FXR1: variants seen among roughly 807,000 people sequenced by gnomAD.
FXR1 encodes the protein RNA-binding protein FXR1.
A neutral mutation model predicts 84.0 loss-of-function variants in FXR1; 15 were observed. That is an observed-to-expected ratio of 0.18 (90% CI 0.12 to 0.27). FXR1 has a LOEUF of 0.27. Ranked by LOEUF, FXR1 falls within the 10% of genes least tolerant of loss-of-function variation. The pLI, the probability that FXR1 is intolerant of heterozygous loss-of-function variation, is 1.00. For missense variants in FXR1, 480 were observed against 774.4 expected, an observed-to-expected ratio of 0.62 and a Z score of 4.51; for synonymous variants, 245 against 250.7, an observed-to-expected ratio of 0.98 and a Z score of 0.21.
chr3:180,945,646 G>A (rs148111524), intron 3 of FXR1, among the ~76,000 whole-genome samples: 2,975 of 152,270 alleles, frequency 0.02, 31 homozygotes, highest in Middle Eastern at 0.034. Context: ...GAGCTCTCAA[G>A]CAGTCGACCT....
intron 3 of FXR1, among the ~76,000 whole-genome samples, chr3:180,938,712 C>T (rs1453740224): frequency 6.6e-6 from 1 of 151,834 alleles, no homozygotes; most frequent in Non-Finnish European, 1.5e-5. Context: ...TCATACCCGG[C>T]TGATTTTGTA....
chr3:180,947,227 T>C (rs1721791136), intron 3 of FXR1, among the ~76,000 whole-genome samples: 1 of 152,168 alleles, frequency 6.6e-6, no homozygotes, highest in African/African-American at 2.4e-5. Context: ...TTTTATATTT[T>C]AGTAGAGACA....
chr3:180,961,466 A>G lies in FXR1; in HGVS notation c.991-2A>G. Reference sequence around the variant, plus strand: ...TGAATACTTTTTTTTTTTTTTAAACAGGGTATGGTTCCATTTGTATTTGTT... The same window carrying G: ...TGAATACTTTTTTTTTTTTTTAAACGGGGTATGGTTCCATTTGTATTTGTT... On this transcript the variant is annotated splice_acceptor_variant, in intron 10 of 16. Coordinates refer to ENST00000357559, the MANE Select transcript of FXR1 (RefSeq NM_005087.4). LOFTEE classifies it high-confidence loss of function. The G allele has an allele frequency of 6.9e-7, 1 of 1,457,248 alleles. No homozygotes were observed. Among genetic ancestry groups the G allele is most frequent in the Non-Finnish European group, 9.5e-7 (1 of 1,052,770 alleles). The allele number at this position is 1,457,248 out of a possible 1,614,324, so 90.3% of individuals were successfully genotyped here. A position where few individuals can be genotyped will look rare whatever the true frequency, so the allele number is the denominator to read the frequency against.
chr3:180,928,085 T>C (rs1333050807), intron 1 of FXR1, among the ~76,000 whole-genome samples: 1 of 152,010 alleles, frequency 6.6e-6, no homozygotes, highest in Non-Finnish European at 1.5e-5. Flanking sequence ...CCTGGAATTG[T>C]TACTGATTTT....
At chr3:180,952,828 C>CTTT (rs371547296) in intron 8 of FXR1, among the ~76,000 whole-genome samples, 5 of 121,494 alleles carry the variant, frequency 4.1e-5, no homozygotes, top group South Asian at 2.6e-4. Context: ...ATTTTATTTG[C>CTTT]TTTTTTTTTT....
intron 4 of FXR1, 30 bp from the exon 5 acceptor site, chr3:180,948,317 G>A: frequency 6.6e-7 from 1 of 1,509,760 alleles, no homozygotes; most frequent in Non-Finnish European, 9.1e-7. Flanking sequence ...TGTTCAGATG[G>A]GATTTTTAAA....
Position 180,979,555 on chromosome 3 carries a change from T to A in FXR1, c.*3263T>A, listed in dbSNP as rs993128114. On this transcript the variant is annotated 3_prime_UTR_variant, in exon 17 of 17. Coordinates refer to ENST00000357559, the MANE Select transcript of FXR1 (RefSeq NM_005087.4). Reference sequence around the variant, plus strand: ...TAGTGAATTTGCTAGCCCCTTATTTTTTTTTTTAATTTTAGTTCTTTATTA... The same window carrying A: ...TAGTGAATTTGCTAGCCCCTTATTTATTTTTTTAATTTTAGTTCTTTATTA... The A allele has an allele frequency of 6.6e-6, 1 of 152,106 alleles. No individual in the cohort carries two copies. The highest frequency in any genetic ancestry group is 1.5e-5 in the Non-Finnish European group (1 of 67,966). 9.4% of individuals were successfully genotyped at this position (152,106 alleles called of 1,614,324 possible).
chr3:180,943,458 G>T (rs1316807842), intron 3 of FXR1, among the ~76,000 whole-genome samples: 1 of 151,030 alleles, frequency 6.6e-6, no homozygotes, highest in Non-Finnish European at 1.5e-5. Flanking sequence ...GTAGAGACGG[G>T]GTTTTGCCAT....
chr3:180,945,631 C>G (rs1376119486), intron 3 of FXR1, among the ~76,000 whole-genome samples: 1 of 152,182 alleles, frequency 6.6e-6, no homozygotes, highest in Non-Finnish European at 1.5e-5. Flanking sequence ...TGGTCTTGAA[C>G]TCCTGAGCTC....
intron 14 of FXR1, among the ~76,000 whole-genome samples, chr3:180,969,556 A>G (rs1713267922): frequency 6.6e-6 from 1 of 152,130 alleles, no homozygotes; most frequent in South Asian, 2.1e-4. Flanking sequence ...TCGTTTCAAC[A>G]TTTTCCTTTC....
chr3:180,923,491 G>A (rs1383868971), intron 1 of FXR1, among the ~76,000 whole-genome samples: 4 of 152,042 alleles, frequency 2.6e-5, no homozygotes, highest in East Asian at 1.9e-4. Flanking sequence ...CTGTATTGTA[G>A]TGCCTTCATT....
At chr3:180,914,219 T>G (rs1250840619) in intron 1 of FXR1, among the ~76,000 whole-genome samples, 1 of 152,212 alleles carries the variant, frequency 6.6e-6, no homozygotes, top group Non-Finnish European at 1.5e-5. Context: ...TTTGAGTACA[T>G]AGTTAATTGA....
At chr3:180,913,181 C>T (rs1336723219) in intron 1 of FXR1, among the ~76,000 whole-genome samples, 2 of 152,138 alleles carry the variant, frequency 1.3e-5, no homozygotes, top group Non-Finnish European at 2.9e-5. Context: ...TCCGACCCCT[C>T]CCCACCCCTT....
chr3:180,921,877 G>A (rs144450146), intron 1 of FXR1, among the ~76,000 whole-genome samples: 6 of 151,772 alleles, frequency 4.0e-5, no homozygotes, highest in Non-Finnish European at 7.4e-5. Flanking sequence ...TCTCACCTCC[G>A]CCTCCATATT....
rs1352218368 is a variant in FXR1, at chr3:180,978,277, A to T, written c.*1985A>T. 2 of 147,930 alleles carry T rather than the reference A, an allele frequency of 1.4e-5. No individual in the cohort carries two copies. Among genetic ancestry groups the T allele is most frequent in the East Asian group, 3.9e-4 (2 of 5,070 alleles). The allele number at this position is 147,930 out of a possible 1,614,324, so 9.2% of individuals were successfully genotyped here. ...ATAAAGATGGTTTCAATGGGAATGG[A>T]AGAAACAAAATCTTAAAAGAGTGAG... On this transcript the variant is annotated 3_prime_UTR_variant, in exon 17 of 17. Coordinates refer to ENST00000357559, the MANE Select transcript of FXR1 (RefSeq NM_005087.4).
At chr3:180,970,971 T>C (rs1238391357) in intron 15 of FXR1, 1 of 237,132 alleles carries the variant, frequency 4.2e-6, no homozygotes, top group Non-Finnish European at 8.2e-6. Context: ...TTGTGTTTAA[T>C]TAAAAGTTTA....
rs1712001455 is a variant in FXR1, at chr3:180,960,805, G to A, written c.991-663G>A. Among the ~76,000 whole-genome samples the A allele has an allele frequency of 2.0e-5, 3 of 152,018 alleles. No individual in the cohort carries two copies. In the South Asian group the frequency reaches 6.2e-4, roughly 32 times the overall value. ...CTTTAAAAGTTGATTTATATACTTG[G>A]AAAATTAAATTAATTATAAATCAGA... is the stretch of plus-strand genomic sequence containing the variant. On this transcript the variant is annotated intron_variant, in intron 10 of 16. Coordinates refer to ENST00000357559, the MANE Select transcript of FXR1 (RefSeq NM_005087.4).
At chr3:180,916,265 C>T (rs558997038) in intron 1 of FXR1, among the ~76,000 whole-genome samples, 3 of 152,306 alleles carry the variant, frequency 2.0e-5, no homozygotes, top group South Asian at 2.1e-4. Context: ...TCCTTCAGAA[C>T]GTTCCATTAC....
intron 8 of FXR1, among the ~76,000 whole-genome samples, chr3:180,953,208 C>T (rs1722411210): frequency 1.3e-5 from 2 of 152,268 alleles, no homozygotes; most frequent in South Asian, 2.1e-4. Flanking sequence ...AGTAGAAAGT[C>T]TGTGTAGAGA....
Sources: gnomAD v4.1 joint callset for allele counts (sites outside exome capture counted in the v4.1 genomes callset) on GRCh38, gnomAD v4.1.1 for gene constraint, MANE v1.5 for transcripts, NCBI Gene and HGNC (gene_info 2026-07-23, HGNC 2026-07-21) for gene names.